Variants in MAP3K7CL observed in about 807,000 individuals in gnomAD.
MAP3K7CL encodes MAP3K7 C-terminal-like protein.
Under a neutral mutation model 18.6 loss-of-function variants are expected in MAP3K7CL, and 16 were observed. That is an observed-to-expected ratio of 0.86 (90% CI 0.58 to 1.31). The LOEUF is 1.31. MAP3K7CL is among the 50% of genes most tolerant of loss of function. The pLI is 0.00. For synonymous variants in MAP3K7CL, 65 were observed against 66.8 expected, an observed-to-expected ratio of 0.97 and a Z score of 0.13; for missense variants, 163 against 174.4, an observed-to-expected ratio of 0.93 and a Z score of 0.37.
intron 4 of MAP3K7CL, among the ~76,000 whole-genome samples, chr21:29,123,067 T>A (rs1354492815): frequency 6.9e-6 from 1 of 145,768 alleles, no homozygotes; most frequent in Non-Finnish European, 1.5e-5. Flanking sequence ...TTTTTTTTTT[T>A]TTTTTTTTTT....
At chr21:29,154,180 C>G (rs773770394) in intron 3 of MAP3K7CL, among the ~76,000 whole-genome samples, 10 of 152,084 alleles carry the variant, frequency 6.6e-5, no homozygotes, top group Non-Finnish European at 1.5e-4. Context: ...ATGAGTAGAT[C>G]TAGCACAGTC....
At chr21:29,122,531 G>A (rs1040708307) in intron 4 of MAP3K7CL, among the ~76,000 whole-genome samples, 1 of 152,230 alleles carries the variant, frequency 6.6e-6, no homozygotes, top group Non-Finnish European at 1.5e-5. Flanking sequence ...AGCTGGAAAG[G>A]GGATGGAGCG....
At chr21:29,139,477 G>A (rs1461257573) in intron 2 of MAP3K7CL, 5 of 152,024 alleles carry the variant, frequency 3.3e-5, no homozygotes, top group Admixed American at 1.3e-4. Context: ...AGTAATCTTC[G>A]GATCTAGTAA....
At chr21:29,115,305 AG>A (rs2146572316) in intron 4 of MAP3K7CL, among the ~76,000 whole-genome samples, 1 of 152,344 alleles carries the variant, frequency 6.6e-6, no homozygotes, top group South Asian at 2.1e-4. Context: ...CCTTTCATTT[AG>A]CTAAGCAGTT....
At chr21:29,172,952 A>T (rs1345288315) in intron 4 of MAP3K7CL, among the ~76,000 whole-genome samples, 2 of 150,258 alleles carry the variant, frequency 1.3e-5, no homozygotes, top group Non-Finnish European at 2.9e-5. Context: ...CATATTATGT[A>T]GTGTCAGATC....
chr21:29,170,424 C>T (rs1246298816), intron 4 of MAP3K7CL, among the ~76,000 whole-genome samples: 1 of 152,094 alleles, frequency 6.6e-6, no homozygotes, highest in Non-Finnish European at 1.5e-5. Context: ...AAATTAATGA[C>T]AGATAGCTTC....
At chr21:29,114,265 C>T (rs919676301) in intron 4 of MAP3K7CL, among the ~76,000 whole-genome samples, 7 of 152,072 alleles carry the variant, frequency 4.6e-5, no homozygotes, top group Admixed American at 4.6e-4. Context: ...GGCAGGGTTT[C>T]GCCATGTTGA....
chr21:29,126,417 A>C (rs987083251), upstream of MAP3K7CL, among the ~76,000 whole-genome samples: 3 of 152,122 alleles, frequency 2.0e-5, no homozygotes, highest in Non-Finnish European at 4.4e-5. Context: ...GATCCTTAAG[A>C]GCTCATAAGT....
chr21:29,160,073 C>T lies in MAP3K7CL; in HGVS notation c.248+17C>T, dbSNP rs370309495. The T allele has an allele frequency of 1.1e-5, 17 of 1,593,056 alleles. No homozygotes were observed. The highest frequency in any genetic ancestry group is 1.5e-5 in the Non-Finnish European group (17 of 1,161,228). On this transcript the variant is annotated intron_variant, in intron 4 of 4. Coordinates refer to ENST00000399928, the MANE Select transcript of MAP3K7CL (RefSeq NM_001286620.2). ...GCAAAGGAAGTAAGTACCTACCCCC[C>T]TCACTCTACATCTGAGCACTGCCTA...
intron 4 of MAP3K7CL, among the ~76,000 whole-genome samples, chr21:29,094,174 A>G (rs906934536): frequency 2.0e-5 from 3 of 152,228 alleles, no homozygotes; most frequent in African/African-American, 7.2e-5. Flanking sequence ...ACAACCAGGG[A>G]TATGGTACAA....
chr21:29,147,846 C>A (rs8129515), intron 2 of MAP3K7CL, among the ~76,000 whole-genome samples: 1 of 151,226 alleles, frequency 6.6e-6, no homozygotes, highest in East Asian at 2.0e-4. Context: ...CTGTATATAT[C>A]TGTACTGTAT....
At chr21:29,092,358 A>T in intron 3 of MAP3K7CL, 1 of 1,531,602 alleles carries the variant, frequency 6.5e-7, no homozygotes, top group Non-Finnish European at 9.0e-7. Context: ...CTTCTCAGGG[A>T]AAAAAAGAAC....
chr21:29,126,251 A>C (rs1797796173), upstream of MAP3K7CL, among the ~76,000 whole-genome samples: 1 of 152,234 alleles, frequency 6.6e-6, no homozygotes, highest in African/African-American at 2.4e-5. Context: ...GGCCAAATCC[A>C]GGCTGCTCTC....
chr21:29,081,272 G>A (rs1025463171), upstream of MAP3K7CL, among the ~76,000 whole-genome samples: 4 of 152,320 alleles, frequency 2.6e-5, no homozygotes, highest in Middle Eastern at 3.4e-3. Context: ...ATGGTCAGCC[G>A]GGCGTGGTGG....
intron 3 of MAP3K7CL, among the ~76,000 whole-genome samples, chr21:29,153,347 A>C (rs1451784813): frequency 6.6e-6 from 1 of 152,246 alleles, no homozygotes; most frequent in Non-Finnish European, 1.5e-5. Flanking sequence ...CATGCCCATC[A>C]GGGACAGTAT....
At chr21:29,120,082 C>T (rs943757119) in intron 4 of MAP3K7CL, among the ~76,000 whole-genome samples, 39 of 152,150 alleles carry the variant, frequency 2.6e-4, no homozygotes, top group South Asian at 1.7e-3. Flanking sequence ...AGCATTGTTA[C>T]GGAGAAATAT....
At chr21:29,134,587 A>G (rs772955290) in intron 2 of MAP3K7CL, among the ~76,000 whole-genome samples, 3 of 152,224 alleles carry the variant, frequency 2.0e-5, no homozygotes, top group African/African-American at 7.2e-5. Context: ...ACCTCTTCTC[A>G]TGATCTGCCG....
chr21:29,097,986 T>A (rs4516516), intron 4 of MAP3K7CL, among the ~76,000 whole-genome samples: 36,689 of 151,922 alleles, frequency 0.24, 4,488 homozygotes, highest in East Asian at 0.27. Context: ...ATTACCTAGA[T>A]TTGCGCTAAT....
upstream of MAP3K7CL, among the ~76,000 whole-genome samples, chr21:29,085,436 T>C (rs2085906843): frequency 6.7e-6 from 1 of 150,040 alleles, no homozygotes; most frequent in Admixed American, 6.8e-5. Flanking sequence ...ACATAAAAAG[T>C]GCATTTAGGC....
Sources: gnomAD v4.1 joint callset for allele counts (sites outside exome capture counted in the v4.1 genomes callset) on GRCh38, gnomAD v4.1.1 for gene constraint, MANE v1.5 for transcripts, NCBI Gene and HGNC (gene_info 2026-07-23, HGNC 2026-07-21) for gene names.